PDE4B: variants seen among roughly 807,000 people sequenced by gnomAD.
The protein encoded by PDE4B is 3',5'-cyclic-AMP phosphodiesterase 4B.
In PDE4B, 20 loss-of-function variants were observed where a neutral mutation model predicts 82.2. The ratio of observed to expected loss-of-function variants is 0.24; its 90% confidence interval spans 0.17 to 0.35. The LOEUF is 0.35. Among genes scored for constraint, PDE4B ranks in the 10% least tolerant of loss-of-function variants. PDE4B has a pLI of 1.00. For synonymous variants in PDE4B, 320 were observed against 318.9 expected (o/e 1.00, Z -0.04); for missense variants, 655 against 907.2 (o/e 0.72, Z 3.57).
intron 3 of PDE4B, among the ~76,000 whole-genome samples, chr1:66,114,408 T>C (rs747102606): frequency 6.6e-6 from 1 of 152,088 alleles, no homozygotes; most frequent in African/African-American, 2.4e-5. Context: ...AAGAGATATA[T>C]AAAGTACCAA....
intron 3 of PDE4B, among the ~76,000 whole-genome samples, chr1:66,174,755 GCAACAA>G (rs143629032): frequency 0.12 from 17,991 of 149,038 alleles, 2,526 homozygotes; most frequent in African/African-American, 0.33. Flanking sequence ...CTCAAAAAAA[GCAACAA>G]CAACAACAAC....
intron 8 of PDE4B, among the ~76,000 whole-genome samples, chr1:66,351,355 A>T (rs552775459): frequency 1.3e-5 from 2 of 152,228 alleles, no homozygotes; most frequent in African/African-American, 4.8e-5. Context: ...ACTGAATTTA[A>T]TAAAGTAAAT....
At position 66,129,233 on chromosome 1, in the gene PDE4B, A is replaced by G. The variant is rs114113109; in HGVS notation, c.282-118227A>G. Among the ~76,000 whole-genome samples, 1,139 of 152,372 alleles carry G rather than the reference A, an allele frequency of 7.5e-3. 17 individuals carry two copies. The highest frequency in any genetic ancestry group is 0.026 in the African/African-American group (1,076 of 41,590). On this transcript the variant is annotated intron_variant, in intron 3 of 16. Transcript: ENST00000341517. ...GAATAAAATAATAAAACATTTATAC[A>G]TTAAGAAGACACATTTTTGAAATAG...
At chr1:66,186,140 A>T (rs1208292578) in intron 3 of PDE4B, among the ~76,000 whole-genome samples, 1 of 152,162 alleles carries the variant, frequency 6.6e-6, no homozygotes, top group African/African-American at 2.4e-5. Flanking sequence ...AACATCAGAT[A>T]GTTTTAGATA....
intron 3 of PDE4B, among the ~76,000 whole-genome samples, chr1:66,028,797 C>A (rs1401561243): frequency 6.6e-6 from 1 of 152,192 alleles, no homozygotes. Context: ...CAGTTCCCAA[C>A]AAGTTCCTCA....
rs138408100 is a variant in PDE4B, at chr1:66,030,985, G to A, written c.281+112150G>A. Among the ~76,000 whole-genome samples, 561 of 152,316 alleles carry A rather than the reference G, an allele frequency of 3.7e-3. 2 individuals are homozygous for A. Among genetic ancestry groups the A allele is most frequent in the African/African-American group, 0.012 (515 of 41,582 alleles). On this transcript the variant is annotated intron_variant, in intron 3 of 16. Transcript: ENST00000341517. ...AAGAGGGAGGGAGGGAAGAGGGCAT[G>A]AGCTGAAGAACCATCTGTTGGATAT... is the stretch of plus-strand genomic sequence containing the variant.
rs570906543 is a variant in PDE4B, at chr1:65,971,756, A to T, written c.281+52921A>T. Among the ~76,000 whole-genome samples the T allele has an allele frequency of 2.6e-5, 4 of 152,312 alleles. No homozygotes were observed. The East Asian group carries it at 7.7e-4, about 29-fold the overall frequency. On this transcript the variant is annotated intron_variant, in intron 3 of 16. Transcript: ENST00000341517. ...TGTTTTTGAGAAATCGAGAATGTAA[A>T]TGAGGGAGAATGATTCATGCCAAAA...
chr1:65,932,114 G>GT (rs2100519916), intron 3 of PDE4B, among the ~76,000 whole-genome samples: 1 of 152,074 alleles, frequency 6.6e-6, no homozygotes, highest in African/African-American at 2.4e-5. Context: ...TGTCTGGCTT[G>GT]TTTTGGGGTA....
intron 3 of PDE4B, among the ~76,000 whole-genome samples, chr1:66,073,656 A>G (rs1031129086): frequency 1.3e-5 from 2 of 152,152 alleles, no homozygotes; most frequent in Admixed American, 6.6e-5. Context: ...TTAGTTGGCA[A>G]CAAATCCGAT....
At chr1:65,897,944 C>A (rs1646929069) in intron 1 of PDE4B, among the ~76,000 whole-genome samples, 1 of 152,108 alleles carries the variant, frequency 6.6e-6, no homozygotes, top group African/African-American at 2.4e-5. Context: ...AATTTACATT[C>A]CCACCAACAG....
intron 3 of PDE4B, among the ~76,000 whole-genome samples, chr1:65,957,555 A>G (rs540437670): frequency 6.6e-6 from 1 of 152,212 alleles, no homozygotes; most frequent in Admixed American, 6.5e-5. Context: ...AAATTTTAAA[A>G]TCACTGGTTA....
At chr1:66,363,126 A>G (rs1466748808) in intron 10 of PDE4B, 42 bp from the exon 11 acceptor site, 2 of 1,389,828 alleles carry the variant, frequency 1.4e-6, no homozygotes. Flanking sequence ...ATGTTAGCAC[A>G]ACTTTCCTTA....
At chr1:65,915,541 A>G (rs542303060) in intron 2 of PDE4B, among the ~76,000 whole-genome samples, 139 of 152,324 alleles carry the variant, frequency 9.1e-4, no homozygotes, top group Non-Finnish European at 1.4e-3. Flanking sequence ...TGCTTCAAAA[A>G]TGACTGAAAT....
intron 3 of PDE4B, among the ~76,000 whole-genome samples, chr1:66,147,756 A>G (rs914193696): frequency 4.3e-4 from 65 of 152,164 alleles, no homozygotes; most frequent in African/African-American, 1.5e-3. Context: ...GATGTTTTAA[A>G]TCACTCAGGA....
chr1:66,119,761 G>A (rs1645671970), intron 3 of PDE4B, among the ~76,000 whole-genome samples: 1 of 152,170 alleles, frequency 6.6e-6, no homozygotes, highest in Admixed American at 6.5e-5. Flanking sequence ...AGAAATAAGG[G>A]TCTTTGCAGA....
intron 3 of PDE4B, among the ~76,000 whole-genome samples, chr1:66,165,813 C>T (rs1017598750): frequency 2.0e-4 from 31 of 151,928 alleles, no homozygotes; most frequent in African/African-American, 7.5e-4. Context: ...GGTATTACTC[C>T]CCAGATTCGT....
At chr1:65,973,988 T>G (rs1056096122) in intron 3 of PDE4B, among the ~76,000 whole-genome samples, 2 of 151,990 alleles carry the variant, frequency 1.3e-5, no homozygotes. Flanking sequence ...AATTTTTGGA[T>G]TTTTAGTAGA....
At position 66,301,351 on chromosome 1, in the gene PDE4B, T is replaced by A. The variant is rs770570333; in HGVS notation, c.635-31157T>A. ...TGGGCCTTGGAGGCTGAGTCAGAGA[T>A]CATGATATTCAAACCGTTTTCACTT... On this transcript the variant is annotated intron_variant, in intron 7 of 16. Coordinates refer to ENST00000341517, the MANE Select transcript of PDE4B (RefSeq NM_002600.4). Among the ~76,000 whole-genome samples, 70 of 152,104 alleles carry A rather than the reference T, an allele frequency of 4.6e-4. 1 individual carries two copies. Among genetic ancestry groups the A allele is most frequent in the Middle Eastern group, 3.2e-3 (1 of 316 alleles).
chr1:66,084,067 C>A (rs192043657), intron 3 of PDE4B, among the ~76,000 whole-genome samples: 2 of 152,012 alleles, frequency 1.3e-5, no homozygotes, highest in Non-Finnish European at 2.9e-5. Flanking sequence ...TGGGTCCATG[C>A]GGTCAGTACA....
Sources: gnomAD v4.1 joint callset for allele counts (sites outside exome capture counted in the v4.1 genomes callset) on GRCh38, gnomAD v4.1.1 for gene constraint, MANE v1.5 for transcripts, NCBI Gene and HGNC (gene_info 2026-07-23, HGNC 2026-07-21) for gene names.